Variants in NIBAN1 observed in about 807,000 individuals in gnomAD.
The protein encoded by NIBAN1 is protein Niban 1.
NIBAN1 carries 81 observed loss-of-function variants against 75.1 expected under a neutral mutation model. The ratio of observed to expected loss-of-function variants is 1.08; its 90% CI spans 0.90 to 1.30. The LOEUF is 1.30. NIBAN1 is among the 50% of genes most tolerant of loss of function. NIBAN1 has a pLI of 0.00. For missense variants in NIBAN1, 1,133 were observed against 1,128.1 expected, an observed-to-expected ratio of 1.00 and a Z score of -0.06; for synonymous variants, 436 against 424.8, an observed-to-expected ratio of 1.03 and a Z score of -0.32.
chr1:184,954,500 C>T (rs1658433679), intron 1 of NIBAN1, among the ~76,000 whole-genome samples: 1 of 152,098 alleles, frequency 6.6e-6, no homozygotes, highest in South Asian at 2.1e-4. Flanking sequence ...GACCTCAGGG[C>T]CTCTTTTATC....
chr1:184,900,733 AACCCTTACAAC>A (rs1656932031), intron 1 of NIBAN1, among the ~76,000 whole-genome samples: 2 of 152,174 alleles, frequency 1.3e-5, no homozygotes, highest in African/African-American at 2.4e-5. Flanking sequence ...GCAGATTAGA[AACCCTTACAAC>A]ATTTCAACTA....
chr1:184,822,967 CTGCCT>C (rs150124314), intron 8 of NIBAN1, among the ~76,000 whole-genome samples, 195 bp downstream of exon 8: 3,869 of 152,280 alleles, frequency 0.025, 124 homozygotes, highest in African/African-American at 0.078. Flanking sequence ...AAACTTTCCT[CTGCCT>C]TGTGTCCATG....
intron 11 of NIBAN1, among the ~76,000 whole-genome samples, chr1:184,804,956 T>G (rs1229356581): frequency 6.6e-6 from 1 of 151,920 alleles, no homozygotes; most frequent in Admixed American, 6.6e-5. Flanking sequence ...ACCCGGCTAG[T>G]TTTTTGTATT....
Position 184,974,425 on chromosome 1 carries a change from G to T in NIBAN1, c.-69C>A. On this transcript the variant is annotated 5_prime_UTR_variant, in exon 1 of 14. Transcript: ENST00000367511. ...CGCCCGCTGCTAGCTCCTGGAGGTT[G>T]ATCCGACGGCGAACCCGGCTCTGAA... is the stretch of plus-strand genomic sequence containing the variant. 1.3e-6 allele frequency: 2 copies of T among 1,504,270 alleles called. No homozygotes were observed. The highest frequency in any genetic ancestry group is 1.2e-5 in the South Asian group (1 of 81,358). The allele number at this position is 1,504,270 out of a possible 1,614,324, so 93.2% of individuals were successfully genotyped here. A position where few individuals can be genotyped will look rare whatever the true frequency, so the allele number is the denominator to read the frequency against.
At chr1:184,854,568 C>T (rs1655626749) in intron 5 of NIBAN1, among the ~76,000 whole-genome samples, 1 of 152,194 alleles carries the variant, frequency 6.6e-6, no homozygotes, top group African/African-American at 2.4e-5. Flanking sequence ...ATCCTTGTGG[C>T]TTTAACTTTG....
chr1:184,872,703 G>A (rs1420688938), intron 5 of NIBAN1, among the ~76,000 whole-genome samples: 1 of 146,498 alleles, frequency 6.8e-6, no homozygotes, highest in African/African-American at 2.5e-5. Flanking sequence ...GGGAAACTCT[G>A]TATCAAATTA....
At chr1:184,796,130 C>T (rs1653858294) in intron 13 of NIBAN1, 33 bp from the exon 14 acceptor site, 1 of 1,489,494 alleles carries the variant, frequency 6.7e-7, no homozygotes, top group Non-Finnish European at 8.9e-7. Flanking sequence ...ACATGATTTT[C>T]TGATTTTATT....
At chr1:184,919,785 T>C (rs1302982130) in intron 1 of NIBAN1, among the ~76,000 whole-genome samples, 2 of 152,036 alleles carry the variant, frequency 1.3e-5, no homozygotes, top group African/African-American at 2.4e-5. Context: ...GAGTATAATA[T>C]ATACGTAAAT....
intron 3 of NIBAN1, among the ~76,000 whole-genome samples, chr1:184,890,827 G>T (rs1250101239): frequency 6.6e-6 from 1 of 152,224 alleles, no homozygotes; most frequent in African/African-American, 2.4e-5. Context: ...CAGCAGACAA[G>T]AAGCTCTGCT....
chr1:184,959,417 G>A (rs1294897387), intron 1 of NIBAN1, among the ~76,000 whole-genome samples: 7 of 152,024 alleles, frequency 4.6e-5, no homozygotes, highest in Admixed American at 2.0e-4. Flanking sequence ...CTCTGTGTTC[G>A]CACATGGAGC....
Position 184,794,348 on chromosome 1 carries a change from G to A in NIBAN1, c.*629C>T, listed in dbSNP as rs1032931848. On this transcript the variant is annotated 3_prime_UTR_variant, in exon 14 of 14. Transcript: ENST00000367511. ...ATTAATTAATAAGAAATTGATAGCA[G>A]GATGAGTAACAGGCCCAGACAGTCC... The A allele has an allele frequency of 2.0e-5, 3 of 153,272 alleles. No individual in the cohort carries two copies. Among genetic ancestry groups the A allele is most frequent in the African/African-American group, 7.2e-5 (3 of 41,444 alleles). The allele number at this position is 153,272 out of a possible 1,614,324, so 9.5% of individuals were successfully genotyped here.
At chr1:184,893,853 T>C (rs1370460347) in intron 3 of NIBAN1, among the ~76,000 whole-genome samples, 2 of 152,216 alleles carry the variant, frequency 1.3e-5, no homozygotes, top group South Asian at 2.1e-4. Context: ...CCCAGAACCT[T>C]GTATAACACT....
intron 9 of NIBAN1, among the ~76,000 whole-genome samples, chr1:184,816,609 C>G (rs1412495000): frequency 3.9e-5 from 6 of 152,202 alleles, no homozygotes; most frequent in Non-Finnish European, 8.8e-5. Flanking sequence ...GTGACATAAT[C>G]AAGCTAGGGC....
chr1:184,807,877 T>C (rs1654250230), intron 10 of NIBAN1, 197 bp downstream of exon 10: 5 of 606,788 alleles, frequency 8.2e-6, no homozygotes, highest in Non-Finnish European at 1.5e-5. Context: ...CTGAGCTATG[T>C]CTTGTCTATG....
chr1:184,851,870 T>C lies in NIBAN1; in HGVS notation c.602-19908A>G, dbSNP rs1040281983. On this transcript the variant is annotated intron_variant, in intron 5 of 13. Transcript: ENST00000367511. ...TTTTTTTTTTTAACTAATCCTCTTA[T>C]GACCATGGTTGATATTTGCCTTTCC... Among the ~76,000 whole-genome samples the C allele has an allele frequency of 3.3e-5, 5 of 151,682 alleles. No individual in the cohort carries two copies. The South Asian group carries it at 6.2e-4, about 19-fold the overall frequency.
chr1:184,959,922 G>C (rs1658585708), intron 1 of NIBAN1, among the ~76,000 whole-genome samples: 1 of 152,110 alleles, frequency 6.6e-6, no homozygotes, highest in African/African-American at 2.4e-5. Flanking sequence ...GCTTTTACTT[G>C]TTTAATAATT....
At chr1:184,895,030 G>A (rs1369928022) in intron 2 of NIBAN1, among the ~76,000 whole-genome samples, 2 of 151,822 alleles carry the variant, frequency 1.3e-5, no homozygotes, top group African/African-American at 4.8e-5. Context: ...AAAAATCATA[G>A]TGCCTTCAGA....
intron 4 of NIBAN1, 45 bp from the exon 5 acceptor site, chr1:184,884,845 T>C (rs1163116042): frequency 6.3e-7 from 1 of 1,595,872 alleles, no homozygotes; most frequent in South Asian, 1.1e-5. Context: ...AACATGTATC[T>C]TTTATTTCAA....
At position 184,795,368 on chromosome 1, in the gene NIBAN1, G is replaced by T; in HGVS notation, c.2396C>A (p.Ala799Asp). 1 of 1,607,188 alleles carries T rather than the reference G, an allele frequency of 6.2e-7. No homozygotes were observed. The highest frequency in any genetic ancestry group is 8.5e-7 in the Non-Finnish European group (1 of 1,177,180). The change falls in exon 14 of 14, where the codon GCC becomes GAC. Residue 799 changes from alanine (A) to aspartate (D), a missense_variant. Physicochemically the swap from Ala to Asp is moderately radical, Grantham distance 126. Coordinates refer to ENST00000367511, the MANE Select transcript of NIBAN1 (RefSeq NM_052966.4). ...PEVGSPASPPASGGLTEEPLG... is the reference protein window; with the variant it reads ...PEVGSPASPPDSGGLTEEPLG... The stretch of plus-strand genomic sequence containing the variant: ...GGGCTCCTCGGTGAGCCCTCCACTG[G>T]CTGGCGGAGAGGCTGGGCTGCCTAC...
Sources: allele counts gnomAD v4.1 joint callset (sites outside exome capture counted in the v4.1 genomes callset), GRCh38; gene constraint gnomAD v4.1.1; transcripts MANE v1.5; gene names NCBI Gene and HGNC (gene_info 2026-07-23, HGNC 2026-07-21).